The following ALG5 variants were observed in gnomAD, a reference collection of about 807,000 sequenced individuals.
The protein encoded by ALG5 is ALG5 dolichyl-phosphate beta-glucosyltransferase.
ALG5 carries 26 observed loss-of-function variants against 51.8 expected under a neutral mutation model. The observed-to-expected ratio is 0.50, with a 90% CI of 0.37 to 0.70. The LOEUF is 0.70. Ranked by LOEUF, ALG5 falls within the 30% of genes least tolerant of loss-of-function variation. The pLI is 0.00. For synonymous variants in ALG5, 141 were observed against 136.1 expected (o/e 1.04, Z -0.25); for missense variants, 311 against 399.3 (o/e 0.78, Z 1.88).
chr13:36,964,507 A>G (rs9315457), intron 8 of ALG5, among the ~76,000 whole-genome samples: 151,668 of 152,262 alleles, frequency 1, 75,541 homozygotes, highest in Middle Eastern at 1. Context: ...GCTTCTGTAC[A>G]ACAGTGCTAG....
chr13:36,960,787 G>A (rs1251131610), intron 8 of ALG5, among the ~76,000 whole-genome samples: 3 of 151,488 alleles, frequency 2.0e-5, no homozygotes, highest in Non-Finnish European at 4.4e-5. Context: ...GATTACAGGT[G>A]CCCACCACCA....
In ALG5 at chr13:36,985,641, GAT is replaced by G. The variant is rs2058998818; in HGVS notation, c.545_546del (p.Asp182AlafsTer6). 6.2e-7 allele frequency: 1 copy of G among 1,612,724 alleles called. No homozygotes were observed. The highest frequency in any genetic ancestry group is 8.5e-7 in the Non-Finnish European group (1 of 1,179,174). ...DVEKLEKGLNDLQPWPNQMAI... is the reference protein window; with the variant it reads ...DVEKLEKGLNXLQPWPNQMAI... ...CTTATACTCACAGGCCAAGGCTGTA[GAT>G]CATTTAGCCCCTTTTCTAATTTCTC... is the stretch of plus-strand genomic sequence containing the variant. On this transcript the variant is annotated frameshift_variant, in exon 6 of 10. Transcript: ENST00000239891. LOFTEE classifies it high-confidence loss of function.
intron 6 of ALG5, among the ~76,000 whole-genome samples, chr13:36,983,739 T>C (rs984436576): frequency 6.6e-6 from 1 of 152,036 alleles, no homozygotes; most frequent in Non-Finnish European, 1.5e-5. Context: ...TTAAGAATTA[T>C]ATTAGTTGAT....
chr13:36,969,803 G>C (rs1341867156), intron 7 of ALG5, among the ~76,000 whole-genome samples: 1 of 152,000 alleles, frequency 6.6e-6, no homozygotes, highest in East Asian at 1.9e-4. Context: ...TCAAAGTGCT[G>C]GGATTACAGG....
chr13:36,965,930 C>T (rs796981998), intron 7 of ALG5, among the ~76,000 whole-genome samples: 1 of 152,120 alleles, frequency 6.6e-6, no homozygotes, highest in South Asian at 2.1e-4. Flanking sequence ...AGTAGAGGCA[C>T]TAGGAAGCAG....
chr13:36,994,879 C>A lies in ALG5; in HGVS notation c.285+110G>T, dbSNP rs560638494. On this transcript the variant is annotated intron_variant, in intron 3 of 9. Transcript: ENST00000239891. ...AGCAAGCAGCAGGTGGCCCAGCGAT[C>A]GGGGTGCTGCCAGGACTGCCTCTCA... 5.8e-5 allele frequency: 52 copies of A among 888,912 alleles called. No homozygotes were observed. In the East Asian group the frequency reaches 1.3e-3, roughly 22 times the overall value. The allele number at this position is 888,912 out of a possible 1,614,324, so 55.1% of individuals were successfully genotyped here. A position where few individuals can be genotyped will look rare whatever the true frequency, so the allele number is the denominator to read the frequency against.
At chr13:36,950,389 T>C (rs2058813022) in intron 9 of ALG5, among the ~76,000 whole-genome samples, 2 of 152,086 alleles carry the variant, frequency 1.3e-5, no homozygotes, top group Admixed American at 6.5e-5. Context: ...TTACTGAAAA[T>C]AATTACATAT....
chr13:36,978,048 G>A (rs1395309870), intron 6 of ALG5, among the ~76,000 whole-genome samples: 2 of 150,838 alleles, frequency 1.3e-5, no homozygotes, highest in Non-Finnish European at 3.0e-5. Context: ...CACCATGCCC[G>A]GCTAATTTTT....
At chr13:36,965,433 A>G (rs2058888603) in intron 8 of ALG5, 142 bp downstream of exon 8, 1 of 866,952 alleles carries the variant, frequency 1.2e-6, no homozygotes, top group African/African-American at 1.7e-5. Context: ...GAAAAGTATA[A>G]AGGCAAGATC....
intron 8 of ALG5, among the ~76,000 whole-genome samples, chr13:36,963,709 T>C (rs950158812): frequency 2.6e-5 from 4 of 152,242 alleles, no homozygotes; most frequent in Non-Finnish European, 4.4e-5. Context: ...GTCTGAATGA[T>C]AATTCTGAAA....
chr13:36,960,641 T>C (rs536543619), intron 8 of ALG5, among the ~76,000 whole-genome samples: 7 of 151,396 alleles, frequency 4.6e-5, no homozygotes, highest in Non-Finnish European at 1.0e-4. Flanking sequence ...GCCTCCTGAG[T>C]AGGTGGGACT....
chr13:36,987,491 A>C, intron 5 of ALG5, among the ~76,000 whole-genome samples: 1 of 152,100 alleles, frequency 6.6e-6, no homozygotes, highest in East Asian at 1.9e-4. Context: ...TGGTTGTCTA[A>C]AAGTGTGTGG....
intron 5 of ALG5, among the ~76,000 whole-genome samples, chr13:36,987,020 T>C (rs867002744): frequency 9.9e-5 from 15 of 152,190 alleles, no homozygotes; most frequent in African/African-American, 2.7e-4. Flanking sequence ...CTCAGTCATA[T>C]TTTATACCCA....
At chr13:36,999,352 C>A (rs766467895), upstream of ALG5, 7 of 1,465,500 alleles carry the variant, frequency 4.8e-6, no homozygotes, top group Non-Finnish European at 5.4e-6. Flanking sequence ...CAGGCGGAAG[C>A]GCGCCCGCGC....
At chr13:36,950,511 C>T (rs1330887837) in intron 9 of ALG5, among the ~76,000 whole-genome samples, 1 of 152,108 alleles carries the variant, frequency 6.6e-6, no homozygotes, top group African/African-American at 2.4e-5. Flanking sequence ...TTTGTCCAGA[C>T]CTCTTTGTCT....
At chr13:36,950,734 C>T (rs574874889) in intron 9 of ALG5, among the ~76,000 whole-genome samples, 47 of 152,084 alleles carry the variant, frequency 3.1e-4, no homozygotes, top group Non-Finnish European at 5.4e-4. Flanking sequence ...ACAGGAGGCA[C>T]GCACCACACC....
At position 36,965,694 on chromosome 13, in the gene ALG5, C is replaced by A; in HGVS notation, c.654G>T (p.Gly218=). Residue 218 remains glycine, a synonymous_variant, in exon 8 of 10, where the codon GGG becomes GGT. Transcript: ENST00000239891. ...RSYFRTLLMY[G]FHFLVWFLCV... ...AAAGGAACCACACCAGAAAGTGGAA[C>A]CCATACATGAGAAGAGTACGGAAGT... is the stretch of plus-strand genomic sequence containing the variant. The A allele has an allele frequency of 6.2e-7, 1 of 1,613,840 alleles. No individual in the cohort carries two copies. Among genetic ancestry groups the A allele is most frequent in the Non-Finnish European group, 8.5e-7 (1 of 1,179,892 alleles).
intron 7 of ALG5, chr13:36,968,188 T>G (rs2058904146): frequency 6.3e-6 from 1 of 157,750 alleles, no homozygotes; most frequent in Non-Finnish European, 1.4e-5. Flanking sequence ...CTTATTTAGT[T>G]AAGTGAAGCT....
At chr13:36,985,787 T>C in intron 5 of ALG5, 47 bp from the exon 6 acceptor site, 2 of 1,262,762 alleles carry the variant, frequency 1.6e-6, no homozygotes, top group Non-Finnish European at 2.3e-6. Context: ...AAAACTCAGG[T>C]TAAATTCAAT....
Sources: allele counts gnomAD v4.1 joint callset (sites outside exome capture counted in the v4.1 genomes callset), GRCh38; gene constraint gnomAD v4.1.1; transcripts MANE v1.5; gene names NCBI Gene and HGNC (gene_info 2026-07-23, HGNC 2026-07-21).